The following CCDC141 variants were observed in gnomAD, a reference collection of about 807,000 sequenced individuals.
CCDC141 encodes the protein coiled-coil domain containing 141.
CCDC141 carries 168 observed loss-of-function variants against 181.0 expected under a neutral mutation model. The observed-to-expected ratio is 0.93, with a 90% CI of 0.82 to 1.05. The LOEUF (loss-of-function observed/expected upper bound fraction) is 1.05, where lower values mean the gene tolerates loss of function less well. Among genes scored for constraint, CCDC141 ranks in the 50% least tolerant of loss-of-function variants. The probability of loss-of-function intolerance (pLI) is 0.00; values close to 1 mark genes in which losing one functional copy is unlikely to be tolerated. For missense variants in CCDC141, 1,902 were observed against 1,788.5 expected, an observed-to-expected ratio of 1.06 and a Z score of -1.14; for synonymous variants, 666 against 642.3, an observed-to-expected ratio of 1.04 and a Z score of -0.56.
At chr2:178,952,373 A>G (rs920689009) in intron 5 of CCDC141, among the ~76,000 whole-genome samples, 7 of 152,250 alleles carry the variant, frequency 4.6e-5, no homozygotes, top group South Asian at 2.1e-4. Flanking sequence ...TTTAAAATAT[A>G]TAATATTTTT....
chr2:178,984,206 A>C (rs1317835309), intron 2 of CCDC141, among the ~76,000 whole-genome samples: 1 of 150,958 alleles, frequency 6.6e-6, no homozygotes, highest in Non-Finnish European at 1.5e-5. Context: ...TTTCATATCC[A>C]GCCAAACTAA....
At chr2:178,924,672 C>T (rs528787909) in intron 6 of CCDC141, among the ~76,000 whole-genome samples, 1 of 152,270 alleles carries the variant, frequency 6.6e-6, no homozygotes, top group South Asian at 2.1e-4. Context: ...AAGTGTCTTG[C>T]CTCAGTCTCC....
intron 6 of CCDC141, among the ~76,000 whole-genome samples, chr2:178,923,143 C>A (rs1022451480): frequency 3.5e-5 from 5 of 141,364 alleles, no homozygotes; most frequent in African/African-American, 1.3e-4. Context: ...CTCGCTCTGT[C>A]GCCCAGGCTG....
intron 5 of CCDC141, among the ~76,000 whole-genome samples, chr2:178,953,469 C>A (rs1470607377): frequency 1.3e-5 from 2 of 151,596 alleles, no homozygotes; most frequent in East Asian, 1.9e-4. Context: ...ATTCTATCAA[C>A]CCCCAAATTC....
intron 4 of CCDC141, among the ~76,000 whole-genome samples, chr2:178,972,193 T>G (rs972090178): frequency 3.3e-5 from 5 of 152,188 alleles, no homozygotes; most frequent in African/African-American, 1.2e-4. Context: ...ACATTCATTT[T>G]AAGAAGACCC....
intron 5 of CCDC141, among the ~76,000 whole-genome samples, chr2:178,957,777 A>G (rs1690224257): frequency 6.6e-6 from 1 of 152,082 alleles, no homozygotes; most frequent in African/African-American, 2.4e-5. Context: ...CCCAGACTGG[A>G]GTGTAGTGGC....
intron 6 of CCDC141, among the ~76,000 whole-genome samples, chr2:178,924,710 G>T (rs552040143): frequency 3.9e-5 from 6 of 152,220 alleles, no homozygotes; most frequent in African/African-American, 1.4e-4. Flanking sequence ...GTGTCTACAC[G>T]CCATTTAAAC....
chr2:178,997,890 A>G (rs1179532053), intron 2 of CCDC141, among the ~76,000 whole-genome samples: 1 of 152,054 alleles, frequency 6.6e-6, no homozygotes. Context: ...CCAGCCTTTA[A>G]CCCGTCCCCC....
chr2:179,040,965 T>C (rs1307155128), intron 2 of CCDC141, among the ~76,000 whole-genome samples: 1 of 152,208 alleles, frequency 6.6e-6, no homozygotes, highest in Non-Finnish European at 1.5e-5. Flanking sequence ...CCACACTGTC[T>C]TCTACAATTC....
chr2:179,048,021 C>G (rs1423973566), intron 1 of CCDC141, among the ~76,000 whole-genome samples: 1 of 152,068 alleles, frequency 6.6e-6, no homozygotes, highest in Non-Finnish European at 1.5e-5. Flanking sequence ...AAATTAGATG[C>G]CTGTGACAAC....
intron 6 of CCDC141, among the ~76,000 whole-genome samples, chr2:178,934,425 G>C (rs1013484016): frequency 6.6e-6 from 1 of 152,094 alleles, no homozygotes. Flanking sequence ...TACAATTTAA[G>C]AGTATTTAAG....
rs759709075 is a variant in CCDC141 at position 178,853,564 on chromosome 2, CTG to C, written c.3119_3120del (p.Thr1040ArgfsTer16). On this transcript the variant is annotated frameshift_variant, in exon 20 of 24. Transcript: ENST00000443758. LOFTEE classifies it high-confidence loss of function. ...ATVVRVGKYS[T>X]ECKTKEAVKI... ...TTCACAGCTTCCTTTGTCTTGCACT[CTG>C]TGGAATATTTTCCAACTCTTACAAC... 7 of 1,613,962 alleles carry C rather than the reference CTG, an allele frequency of 4.3e-6. No homozygotes were observed. The South Asian group carries it at 7.7e-5, about 18-fold the overall frequency.
intron 2 of CCDC141, among the ~76,000 whole-genome samples, chr2:179,022,815 A>C (rs1014539124): frequency 6.6e-6 from 1 of 152,186 alleles, no homozygotes; most frequent in Non-Finnish European, 1.5e-5. Context: ...ACAGAGGCAC[A>C]CAGTAGACAG....
At chr2:179,045,459 G>A (rs1471144952) in intron 2 of CCDC141, among the ~76,000 whole-genome samples, 1 of 152,084 alleles carries the variant, frequency 6.6e-6, no homozygotes, top group East Asian at 1.9e-4. Flanking sequence ...TGTGAATAGA[G>A]CTGCAATAAA....
chr2:178,966,414 A>G (rs965031181), intron 4 of CCDC141, among the ~76,000 whole-genome samples: 1 of 152,170 alleles, frequency 6.6e-6, no homozygotes, highest in Non-Finnish European at 1.5e-5. Flanking sequence ...AAGCTTCCAG[A>G]GGAAAGATCA....
chr2:179,015,360 CCATATATGTATCATATATATCT>C (rs1559049459), intron 2 of CCDC141, among the ~76,000 whole-genome samples: 18 of 32,714 alleles, frequency 5.5e-4, no homozygotes, highest in Non-Finnish European at 8.3e-4. Context: ...CATACATATC[CCATATATGTATCATATATATCT>C]CATATATGTA....
chr2:179,006,835 C>G (rs1312117479), intron 2 of CCDC141, among the ~76,000 whole-genome samples: 1 of 152,182 alleles, frequency 6.6e-6, no homozygotes, highest in Non-Finnish European at 1.5e-5. Context: ...ATATTAAACT[C>G]TAATAGGAAA....
chr2:178,828,298 CGTG>C (rs559883975), downstream of CCDC141, among the ~76,000 whole-genome samples: 9 of 152,264 alleles, frequency 5.9e-5, no homozygotes, highest in South Asian at 2.1e-4. Flanking sequence ...GCGTCCTCAC[CGTG>C]TTGCGTAGCC....
At chr2:178,941,407 T>A (rs1485753827) in intron 6 of CCDC141, among the ~76,000 whole-genome samples, 1 of 152,212 alleles carries the variant, frequency 6.6e-6, no homozygotes, top group Non-Finnish European at 1.5e-5. Context: ...TTATCTAGTG[T>A]CTGAAATTCA....
Sources: gnomAD v4.1 joint callset for allele counts (sites outside exome capture counted in the v4.1 genomes callset) on GRCh38, gnomAD v4.1.1 for gene constraint, MANE v1.5 for transcripts, NCBI Gene and HGNC (gene_info 2026-07-23, HGNC 2026-07-21) for gene names.